SLC41A2: variants seen among roughly 807,000 people sequenced by gnomAD.
The protein encoded by SLC41A2 is SLC41A1-like 1.
SLC41A2 carries 32 observed loss-of-function variants against 58.3 expected under a neutral mutation model. That is an observed-to-expected ratio of 0.55 (90% CI 0.41 to 0.74). The LOEUF (loss-of-function observed/expected upper bound fraction) is 0.74. SLC41A2 is among the 30% of genes least tolerant of loss of function. The pLI, the probability that SLC41A2 is intolerant of heterozygous loss-of-function variation, is 0.00. For synonymous variants in SLC41A2, 190 were observed against 235.0 expected (o/e 0.81, Z 1.75); for missense variants, 514 against 680.6 (o/e 0.76, Z 2.72).
intron 9 of SLC41A2, 95 bp from the exon 10 acceptor site, chr12:104,844,715 C>T (rs2042540040): frequency 1.9e-6 from 1 of 537,552 alleles, no homozygotes; most frequent in Non-Finnish European, 2.9e-6. Context: ...TTTCTAGTTA[C>T]TATACTTCAT....
intron 4 of SLC41A2, among the ~76,000 whole-genome samples, chr12:104,894,637 CA>C (rs2045190943): frequency 6.6e-6 from 1 of 152,018 alleles, no homozygotes; most frequent in South Asian, 2.1e-4. Flanking sequence ...GAACTAATAC[CA>C]AAATTAGTGT....
intron 1 of SLC41A2, among the ~76,000 whole-genome samples, chr12:104,950,601 C>T (rs2047915629): frequency 6.6e-6 from 1 of 152,216 alleles, no homozygotes; most frequent in Non-Finnish European, 1.5e-5. Flanking sequence ...AACTCCTGAA[C>T]TGAAGCCACC....
chr12:104,956,876 T>C (rs572148052), intron 1 of SLC41A2, among the ~76,000 whole-genome samples: 16 of 152,244 alleles, frequency 1.1e-4, no homozygotes, highest in Middle Eastern at 3.4e-3. Flanking sequence ...CTCACTACGA[T>C]GGCTATCATA....
At position 104,802,701 on chromosome 12, in the gene SLC41A2, T is replaced by C. The variant is rs2040742312; in HGVS notation, c.*2451A>G. ...TATATTTTCCTTGGTCTTAGAAATA[T>C]GAATAATTTAGAGCTGGCAATACTC... On this transcript the variant is annotated 3_prime_UTR_variant, in exon 11 of 11. Transcript: ENST00000258538. The C allele has an allele frequency of 6.6e-6, 1 of 152,206 alleles. No homozygotes were observed. The highest frequency in any genetic ancestry group is 6.5e-5 in the Admixed American group (1 of 15,278). The allele number at this position is 152,206 out of a possible 1,614,324, so 9.4% of individuals were successfully genotyped here. A position where few individuals can be genotyped will look rare whatever the true frequency, so the allele number is the denominator to read the frequency against.
chr12:104,939,374 A>T (rs148904076), intron 1 of SLC41A2, among the ~76,000 whole-genome samples: 123 of 152,166 alleles, frequency 8.1e-4, no homozygotes, highest in Non-Finnish European at 1.5e-3. Flanking sequence ...ATTTTTAAAT[A>T]GTTTGTACAG....
At position 104,845,948 on chromosome 12, in the gene SLC41A2, G is replaced by T; in HGVS notation, c.1282C>A (p.Gln428Lys). 6.2e-7 allele frequency: 1 copy of T among 1,613,366 alleles called. No individual in the cohort carries two copies. The highest frequency in any genetic ancestry group is 8.5e-7 in the Non-Finnish European group (1 of 1,179,548). ...NGIGGNLVAI[Q>K]ASRISTYLHL... ...AGGTAGGTAGAAATCCTGCTAGCCT[G>T]AATGGCCACCAAATTACCACCAATA... The change falls in exon 9 of 11, where the codon CAG becomes AAG. Residue 428 changes from glutamine to lysine, a missense_variant. By Grantham distance (53) the Gln-to-Lys change is moderately conservative. Transcript: ENST00000258538.
At chr12:104,921,387 A>G (rs1276686192) in intron 2 of SLC41A2, among the ~76,000 whole-genome samples, 7 of 152,116 alleles carry the variant, frequency 4.6e-5, no homozygotes, top group African/African-American at 1.7e-4. Context: ...AGAGAAAAAG[A>G]AGAAATAACA....
intron 10 of SLC41A2, among the ~76,000 whole-genome samples, chr12:104,806,336 T>G (rs901838054): frequency 9.2e-5 from 14 of 152,038 alleles, no homozygotes; most frequent in Admixed American, 7.2e-4. Context: ...GTCCTTGCGA[T>G]AGTTTGCTGA....
At chr12:104,941,275 G>A (rs1046663637) in intron 1 of SLC41A2, among the ~76,000 whole-genome samples, 4 of 152,178 alleles carry the variant, frequency 2.6e-5, no homozygotes, top group African/African-American at 9.7e-5. Flanking sequence ...TTCTAGGGTT[G>A]CCCACTGACA....
At chr12:104,822,306 T>TATG (rs1215609070) in intron 10 of SLC41A2, among the ~76,000 whole-genome samples, 3 of 152,190 alleles carry the variant, frequency 2.0e-5, no homozygotes, top group African/African-American at 7.2e-5. Flanking sequence ...TGCTCCCTTT[T>TATG]TGCCCATAGC....
chr12:104,898,686 A>G (rs2045415063), intron 3 of SLC41A2, among the ~76,000 whole-genome samples: 1 of 152,052 alleles, frequency 6.6e-6, no homozygotes, highest in Non-Finnish European at 1.5e-5. Context: ...CTGAACATGT[A>G]GTGCCAGTAT....
intron 6 of SLC41A2, among the ~76,000 whole-genome samples, chr12:104,869,787 G>C (rs2043668284): frequency 6.6e-6 from 1 of 151,920 alleles, no homozygotes; most frequent in South Asian, 2.1e-4. Flanking sequence ...TCTCTTTTTT[G>C]GATATACTGG....
At chr12:104,953,715 C>G (rs2048041379) in intron 1 of SLC41A2, among the ~76,000 whole-genome samples, 1 of 152,134 alleles carries the variant, frequency 6.6e-6, no homozygotes, top group East Asian at 1.9e-4. Context: ...TCCAGCTTTA[C>G]CGGAAATGAA....
intron 1 of SLC41A2, among the ~76,000 whole-genome samples, chr12:104,929,514 C>T (rs548475835): frequency 2.0e-5 from 3 of 152,356 alleles, no homozygotes; most frequent in African/African-American, 7.2e-5. Flanking sequence ...ACTGGCTGGC[C>T]ACTCAGTGAC....
At chr12:104,838,201 T>C (rs1189776180) in intron 10 of SLC41A2, among the ~76,000 whole-genome samples, 1 of 152,232 alleles carries the variant, frequency 6.6e-6, no homozygotes, top group East Asian at 1.9e-4. Context: ...GCTCCAAGCA[T>C]GTTCTACTGG....
chr12:104,896,265 T>C (rs1426196029), intron 3 of SLC41A2, among the ~76,000 whole-genome samples: 2 of 152,216 alleles, frequency 1.3e-5, no homozygotes, highest in African/African-American at 4.8e-5. Flanking sequence ...CCTCTATCAA[T>C]CTGGAAAACA....
chr12:104,908,790 G>A (rs796790226), intron 3 of SLC41A2, among the ~76,000 whole-genome samples: 21 of 152,160 alleles, frequency 1.4e-4, no homozygotes, highest in African/African-American at 4.3e-4. Flanking sequence ...TATGCTTTTC[G>A]AATGACAATT....
intron 8 of SLC41A2, among the ~76,000 whole-genome samples, chr12:104,854,500 T>G (rs1440012845): frequency 6.6e-6 from 1 of 151,620 alleles, no homozygotes; most frequent in Admixed American, 6.6e-5. Flanking sequence ...GAGGCGGAGC[T>G]TGCAGTGAGC....
Position 104,889,033 on chromosome 12 carries a change from C to T in SLC41A2, c.880G>A (p.Gly294Arg). 2 of 1,565,156 alleles carry T rather than the reference C, an allele frequency of 1.3e-6. No individual in the cohort carries two copies. Among genetic ancestry groups the T allele is most frequent in the East Asian group, 2.3e-5 (1 of 42,796 alleles). The change falls in exon 5 of 11, where the codon GGA becomes AGA. Residue 294 changes from glycine (G) to arginine (R), a missense_variant and splice_region_variant. Physicochemically the swap from Gly to Arg is moderately radical, Grantham distance 125 (BLOSUM62 -2). Around this residue, in one of 3 missense-constraint regions of SLC41A2, gnomAD observed 336 missense variants for 430.0 expected, o/e 0.78. Transcript: ENST00000258538. Reference sequence around the variant, plus strand: ...AGTAGACATTTATAAATTCACTTACCCTGCAGAAGAGATGCAATGAAGGCA... The same window carrying T: ...AGTAGACATTTATAAATTCACTTACTCTGCAGAAGAGATGCAATGAAGGCA... ...ATAFIASLLQ[G>R]IIMVGVIVGS...
Sources: allele counts gnomAD v4.1 joint callset (sites outside exome capture counted in the v4.1 genomes callset), GRCh38; gene constraint gnomAD v4.1.1; regional missense constraint gnomAD v4.1.1; transcripts MANE v1.5; gene names NCBI Gene and HGNC (gene_info 2026-07-23, HGNC 2026-07-21).